The following TENM2 variants were observed in gnomAD, a reference collection of about 807,000 sequenced individuals.
TENM2 encodes the protein teneurin-2.
A neutral mutation model predicts 245.2 loss-of-function variants in TENM2; 52 were observed. The observed-to-expected ratio is 0.21, with a 90% CI of 0.17 to 0.27. The LOEUF (loss-of-function observed/expected upper bound fraction) is 0.27, where lower values mean the gene tolerates loss of function less well. Among genes scored for constraint, TENM2 ranks in the 10% least tolerant of loss-of-function variants. TENM2 has a pLI of 1.00. For synonymous variants in TENM2, 1,363 were observed against 1,438.9 expected (o/e 0.95, Z 1.19); for missense variants, 3,046 against 3,666.8 (o/e 0.83, Z 4.37).
At chr5:168,256,568 G>A (rs535475994) in intron 27 of TENM2, among the ~76,000 whole-genome samples, 5 of 152,008 alleles carry the variant, frequency 3.3e-5, no homozygotes, top group East Asian at 3.9e-4. Flanking sequence ...TGGGATTACA[G>A]CTGCGTGCAC....
At chr5:167,194,246 T>G in the TENM2 span, among the ~76,000 whole-genome samples, 9 of 151,974 alleles carry the variant, frequency 5.9e-5, no homozygotes, top group Non-Finnish European at 8.8e-5. Context: ...CGGTGACACA[T>G]TAAAAAACAT....
the TENM2 span, among the ~76,000 whole-genome samples, chr5:167,181,251 C>T: frequency 0.01 from 1,523 of 152,160 alleles, 26 homozygotes; most frequent in African/African-American, 0.035. Context: ...TGAAATGAGG[C>T]TGTTTAAGTT....
intron 2 of TENM2, among the ~76,000 whole-genome samples, chr5:167,807,406 G>A (rs1426108943): frequency 1.3e-5 from 2 of 151,968 alleles, no homozygotes; most frequent in African/African-American, 4.8e-5. Context: ...CCACTACATA[G>A]CACGAGATCA....
At chr5:167,690,583 G>T (rs761940524) in intron 2 of TENM2, among the ~76,000 whole-genome samples, 1 of 152,130 alleles carries the variant, frequency 6.6e-6, no homozygotes, top group African/African-American at 2.4e-5. Context: ...CTGTGAATTA[G>T]TTATCCAGGC....
At chr5:167,077,012 G>A in the TENM2 span, among the ~76,000 whole-genome samples, 1,585 of 152,220 alleles carry the variant, frequency 0.01, 27 homozygotes, top group African/African-American at 0.036. Context: ...TTTTGGTAAA[G>A]ACAGAGTTTC....
At chr5:166,979,205 AGC>A in the TENM2 span, among the ~76,000 whole-genome samples, 1 of 145,060 alleles carries the variant, frequency 6.9e-6, no homozygotes, top group South Asian at 2.2e-4. Flanking sequence ...CAGCAGCAGC[AGC>A]AGCAGCAGCA....
At chr5:167,302,817 G>T (rs535065782) in intron 1 of TENM2, among the ~76,000 whole-genome samples, 239 of 152,216 alleles carry the variant, frequency 1.6e-3, no homozygotes, top group African/African-American at 5.7e-3. Flanking sequence ...GGGACTTGCC[G>T]CTAAGGGTGA....
At chr5:167,611,032 C>T (rs1777443611) in intron 2 of TENM2, among the ~76,000 whole-genome samples, 1 of 152,168 alleles carries the variant, frequency 6.6e-6, no homozygotes, top group Non-Finnish European at 1.5e-5. Context: ...GATTATCTTA[C>T]AGGTAGAAAT....
chr5:168,058,309 A>G (rs1477255496), intron 6 of TENM2, among the ~76,000 whole-genome samples: 2 of 152,210 alleles, frequency 1.3e-5, no homozygotes, highest in African/African-American at 4.8e-5. Flanking sequence ...ATAAGCATTT[A>G]TAGATCACTT....
chr5:168,247,455 G>T lies in TENM2; in HGVS notation c.6516G>T (p.Met2172Ile). The T allele has an allele frequency of 6.2e-7, 1 of 1,613,328 alleles. No homozygotes were observed. The change falls in exon 27 of 29, where the codon ATG becomes ATT. Residue 2172 changes from methionine (M) to isoleucine (I), a missense_variant. Around this residue, in one of 2 missense-constraint regions of TENM2, gnomAD observed 2,704 missense variants for 3,331.9 expected, o/e 0.81. Transcript: ENST00000518659. The surrounding 1 kb of genome is among the most constrained non-coding windows in gnomAD (Gnocchi z 7.8). Reference sequence around the variant, plus strand: ...AGTATGAGATGTTCCGGTCCCTCATGTACTGGATGACGGTGCAATATGACA... The same window carrying T: ...AGTATGAGATGTTCCGGTCCCTCATTTACTGGATGACGGTGCAATATGACA...
chr5:167,559,910 G>A lies in TENM2; in HGVS notation c.502+184437G>A, dbSNP rs562911737. On this transcript the variant is annotated intron_variant, in intron 2 of 28. Transcript: ENST00000518659. ...ATATGTGGGTGGTCGACAAATGCAGGCACTCCACATTTGCTCCAAGTGCAG... is the reference window on the plus strand; with the variant it reads ...ATATGTGGGTGGTCGACAAATGCAGACACTCCACATTTGCTCCAAGTGCAG... Among the ~76,000 whole-genome samples, 5 of 152,250 alleles carry A rather than the reference G, an allele frequency of 3.3e-5. No homozygotes were observed. The South Asian group carries it at 1.0e-3, about 32-fold the overall frequency.
intron 2 of TENM2, among the ~76,000 whole-genome samples, chr5:167,633,644 A>G (rs1779012936): frequency 6.6e-6 from 1 of 152,154 alleles, no homozygotes; most frequent in Non-Finnish European, 1.5e-5. Flanking sequence ...AATCAACCTA[A>G]CAGATTAGTT....
At chr5:167,439,625 TAATG>T (rs1764770143) in intron 2 of TENM2, among the ~76,000 whole-genome samples, 1 of 152,214 alleles carries the variant, frequency 6.6e-6, no homozygotes. Context: ...CATATAATAA[TAATG>T]AATTAACATG....
the TENM2 span, among the ~76,000 whole-genome samples, chr5:167,101,940 T>A: frequency 0.55 from 61,671 of 111,358 alleles, 15,827 homozygotes; most frequent in South Asian, 0.67. Context: ...ATATATATAT[T>A]TTTTTTTTTT....
rs369156044 is a variant in TENM2, at chr5:167,483,856, A to C, written c.502+108383A>C. ...TTTTATTTAACGATAAATTGAATAC[A>C]AAAGCTCCCCAAGGCAGGAAGACAG... On this transcript the variant is annotated intron_variant, in intron 2 of 28. Transcript: ENST00000518659. Among the ~76,000 whole-genome samples the C allele has an allele frequency of 8.5e-5, 13 of 152,338 alleles. No individual in the cohort carries two copies. The East Asian group carries it at 1.3e-3, about 16-fold the overall frequency.
chr5:168,034,161 A>G (rs539856031), intron 5 of TENM2, among the ~76,000 whole-genome samples: 2 of 99,060 alleles, frequency 2.0e-5, no homozygotes, highest in South Asian at 3.1e-4. Flanking sequence ...GTATATATAT[A>G]TGTATATATA....
the TENM2 span, among the ~76,000 whole-genome samples, chr5:167,053,851 T>G: frequency 6.6e-6 from 1 of 152,132 alleles, no homozygotes; most frequent in African/African-American, 2.4e-5. Flanking sequence ...GTATAGCCCT[T>G]TATTTTGAAA....
chr5:168,023,961 T>A (rs940813728), intron 5 of TENM2, among the ~76,000 whole-genome samples: 2 of 152,164 alleles, frequency 1.3e-5, no homozygotes, highest in Non-Finnish European at 2.9e-5. Context: ...CTGTGACGTA[T>A]ATATAAGATG....
At chr5:167,307,976 A>G (rs1755781711) in intron 1 of TENM2, 1 of 152,362 alleles carries the variant, frequency 6.6e-6, no homozygotes, top group Non-Finnish European at 1.5e-5. Flanking sequence ...TGCCTGGTGC[A>G]GCTTTCAGCT....
Sources: gnomAD v4.1 joint callset for allele counts (sites outside exome capture counted in the v4.1 genomes callset) on GRCh38, gnomAD v4.1.1 for gene constraint, gnomAD v4.1.1 regional missense constraint, Gnocchi (gnomAD v3.1) non-coding constraint, MANE v1.5 for transcripts, NCBI Gene and HGNC (gene_info 2026-07-23, HGNC 2026-07-21) for gene names.